Variants in DLEC1 observed in about 807,000 individuals in gnomAD.
DLEC1 encodes deleted in lung and esophageal cancer protein 1.
In DLEC1, 146 loss-of-function variants were observed where a neutral mutation model predicts 198.1. The ratio of observed to expected loss-of-function variants is 0.74; its 90% confidence interval spans 0.64 to 0.85. DLEC1 has a LOEUF of 0.85. Ranked by LOEUF, DLEC1 falls within the 40% of genes least tolerant of loss-of-function variation. The probability of loss-of-function intolerance (pLI) is 0.00; values close to 1 mark genes in which losing one functional copy is unlikely to be tolerated. For missense variants in DLEC1, 2,233 were observed against 2,220.0 expected (o/e 1.01, Z -0.12); for synonymous variants, 897 against 866.8 (o/e 1.03, Z -0.61).
intron 10 of DLEC1, among the ~76,000 whole-genome samples, chr3:38,090,636 A>G (rs575935238): frequency 6.6e-6 from 1 of 152,350 alleles, no homozygotes; most frequent in South Asian, 2.1e-4. Context: ...CAGTCCTTGA[A>G]GTAGATTTGC....
At chr3:38,067,883 A>G (rs1037377257) in intron 6 of DLEC1, among the ~76,000 whole-genome samples, 4 of 151,220 alleles carry the variant, frequency 2.6e-5, no homozygotes, top group African/African-American at 9.7e-5. Flanking sequence ...CTCCTGTGTA[A>G]CTGGGATTAC....
chr3:38,115,114 G>C (rs900896310), intron 27 of DLEC1, 61 bp downstream of exon 27: 79 of 1,591,690 alleles, frequency 5.0e-5, no homozygotes, highest in Admixed American at 1.0e-4. Context: ...TGGTGAGCCA[G>C]GCTGGGAGGG....
intron 19 of DLEC1, 90 bp downstream of exon 19, chr3:38,100,515 G>A: frequency 2.2e-6 from 3 of 1,373,370 alleles, no homozygotes; most frequent in South Asian, 2.0e-5. Context: ...GAGATGTTCT[G>A]GATTTAAAAC....
At chr3:38,066,111 G>A (rs977844001) in intron 6 of DLEC1, among the ~76,000 whole-genome samples, 1 of 152,182 alleles carries the variant, frequency 6.6e-6, no homozygotes, top group African/African-American at 2.4e-5. Context: ...TCCATCAGGA[G>A]GAAGCATGGG....
At chr3:38,047,511 A>G (rs776695517) in intron 2 of DLEC1, among the ~76,000 whole-genome samples, 6 of 152,254 alleles carry the variant, frequency 3.9e-5, no homozygotes, top group Non-Finnish European at 4.4e-5. Context: ...TTAGGGGGCA[A>G]TTAACTACCT....
intron 1 of DLEC1, among the ~76,000 whole-genome samples, chr3:38,040,009 A>G (rs1166458512): frequency 6.6e-6 from 1 of 152,204 alleles, no homozygotes; most frequent in African/African-American, 2.4e-5. Context: ...ACAAACCACA[A>G]TCTTGACTGG....
intron 35 of DLEC1, 58 bp downstream of exon 35, chr3:38,121,839 AC>A (rs773144418): frequency 1.9e-6 from 3 of 1,582,046 alleles, no homozygotes; most frequent in African/African-American, 2.7e-5. Flanking sequence ...CCAAGAGAAG[AC>A]CCCCCAGGAA....
chr3:38,110,867 T>C (rs1699837569), intron 23 of DLEC1, among the ~76,000 whole-genome samples: 1 of 151,942 alleles, frequency 6.6e-6, no homozygotes, highest in Admixed American at 6.6e-5. Flanking sequence ...TATACACATA[T>C]ACATACACAT....
chr3:38,056,602 G>A (rs1373925144), intron 2 of DLEC1, among the ~76,000 whole-genome samples: 2 of 152,200 alleles, frequency 1.3e-5, no homozygotes, highest in Non-Finnish European at 2.9e-5. Context: ...GAGCCACCAT[G>A]CCCGGCCAAC....
At position 38,117,426 on chromosome 3, in the gene DLEC1, G is replaced by T. The variant is rs766272942; in HGVS notation, c.4401-101G>T. The T allele has an allele frequency of 1.1e-5, 17 of 1,599,258 alleles. No individual in the cohort carries two copies. In the South Asian group the frequency reaches 1.9e-4, roughly 18 times the overall value. On this transcript the variant is annotated intron_variant, in intron 31 of 36. Coordinates refer to ENST00000308059, the MANE Select transcript of DLEC1 (RefSeq NM_007335.4). ...GGCATGGGTGGAGAAGTCAGCAGAGGAGCCCAGGGAAAGGCTGGCCCGAGG... is the reference window on the plus strand; with the variant it reads ...GGCATGGGTGGAGAAGTCAGCAGAGTAGCCCAGGGAAAGGCTGGCCCGAGG...
intron 7 of DLEC1, among the ~76,000 whole-genome samples, chr3:38,084,822 A>G (rs1369070242): frequency 6.6e-6 from 1 of 151,700 alleles, no homozygotes; most frequent in African/African-American, 2.4e-5. Context: ...TGGTCCTGCT[A>G]TCTCCCCACT....
At position 38,062,353 on chromosome 3, in the gene DLEC1, C is replaced by G; in HGVS notation, c.858C>G (p.Thr286=). The G allele has an allele frequency of 6.2e-7, 1 of 1,614,136 alleles. No individual in the cohort carries two copies. Among genetic ancestry groups the G allele is most frequent in the Non-Finnish European group, 8.5e-7 (1 of 1,180,028 alleles). The change falls in exon 4 of 37, where the codon ACC becomes ACG. Residue 286 remains threonine (T), a synonymous_variant. Transcript: ENST00000308059. ...WNLTPKAKER[T]REPLKKASQP... Reference sequence around the variant, plus strand: ...TAACTCCTAAGGCCAAAGAAAGGACCAGAGAACCTCTCAAGGTCAGTTTGG... The same window carrying G: ...TAACTCCTAAGGCCAAAGAAAGGACGAGAGAACCTCTCAAGGTCAGTTTGG...
In DLEC1 at chr3:38,097,859, G is replaced by A. The variant is rs765138386; in HGVS notation, c.2681G>A (p.Arg894His). The change falls in exon 18 of 37, where the codon CGC becomes CAC. Residue 894 changes from arginine (R) to histidine (H), a missense_variant. Arg to His is a conservative substitution (Grantham distance 29). Transcript: ENST00000308059. ...GTCAGCCAGCTCCCAGCCACATGGCGCATGAAGGAGAGCCCAGTCTCCCTC... is the reference window on the plus strand; with the variant it reads ...GTCAGCCAGCTCCCAGCCACATGGCACATGAAGGAGAGCCCAGTCTCCCTC... ...RNVSQLPATW[R>H]MKESPVSLQE... is the part of the protein sequence containing the mutation. The A allele has an allele frequency of 4.6e-5, 74 of 1,614,086 alleles. No individual in the cohort carries two copies. The highest frequency in any genetic ancestry group is 5.8e-5 in the Non-Finnish European group (69 of 1,180,044).
intron 2 of DLEC1, among the ~76,000 whole-genome samples, chr3:38,046,316 C>G (rs1393386875): frequency 6.6e-6 from 1 of 152,032 alleles, no homozygotes; most frequent in Non-Finnish European, 1.5e-5. Context: ...ATTGTAGCTC[C>G]CGTAATCCCC....
intron 18 of DLEC1, among the ~76,000 whole-genome samples, chr3:38,098,221 C>T (rs556888535): frequency 6.6e-6 from 1 of 152,266 alleles, no homozygotes; most frequent in African/African-American, 2.4e-5. Context: ...GGCAGGAAGC[C>T]TCCAAGGCTG....
chr3:38,049,893 G>A (rs978602582), intron 2 of DLEC1, among the ~76,000 whole-genome samples: 2 of 151,728 alleles, frequency 1.3e-5, no homozygotes, highest in Non-Finnish European at 2.9e-5. Context: ...TAAAGTCTCT[G>A]TTGCCAAGGA....
intron 5 of DLEC1, 137 bp downstream of exon 5, chr3:38,062,938 C>A: frequency 1.1e-6 from 1 of 917,798 alleles, no homozygotes; most frequent in Non-Finnish European, 1.6e-6. Context: ...AGCAGGGCTG[C>A]AGGGTCACCC....
Position 38,117,261 on chromosome 3 carries a change from AC to A in DLEC1, c.4363del (p.Leu1455Ter), listed in dbSNP as rs765802924. 1 of 1,614,014 alleles carries A rather than the reference AC, an allele frequency of 6.2e-7. No homozygotes were observed. Among genetic ancestry groups the A allele is most frequent in the Non-Finnish European group, 8.5e-7 (1 of 1,179,966 alleles). On this transcript the variant is annotated frameshift_variant, in exon 31 of 37. Transcript: ENST00000308059. LOFTEE classifies it high-confidence loss of function. ...ATCGCCTGCAGGACTTTGCGGTGGG[AC>A]CCCTGAAACTGGACCTGCATAGCTA... The part of the protein sequence containing the change: ...RHRLQDFAVG[P>X]LKLDLHSYVR...
chr3:38,085,480 GT>G lies in DLEC1; in HGVS notation c.1435+35del, dbSNP rs1433680777. ...TGCACCGTAGCTTCCCACAGATTCA[GT>G]TAAGGTTGGAGAGTCCCCATAAGGA... On this transcript the variant is annotated intron_variant, in intron 8 of 36. Coordinates refer to ENST00000308059, the MANE Select transcript of DLEC1 (RefSeq NM_007335.4). 5 of 1,610,578 alleles carry G rather than the reference GT, an allele frequency of 3.1e-6. No individual in the cohort carries two copies. In the African/African-American group the frequency reaches 4.0e-5, roughly 13 times the overall value.
Sources: gnomAD v4.1 joint callset for allele counts (sites outside exome capture counted in the v4.1 genomes callset) on GRCh38, gnomAD v4.1.1 for gene constraint, MANE v1.5 for transcripts, NCBI Gene and HGNC (gene_info 2026-07-23, HGNC 2026-07-21) for gene names.